Variants in SUMF1 observed in about 807,000 individuals in gnomAD.
SUMF1 encodes sulfatase modifying factor 1.
Under a neutral mutation model 47.6 loss-of-function variants are expected in SUMF1, and 48 were observed. The observed-to-expected ratio is 1.01, with a 90% confidence interval of 0.80 to 1.28. The LOEUF (loss-of-function observed/expected upper bound fraction) is 1.28. SUMF1 is among the 50% of genes most tolerant of loss of function. SUMF1 has a pLI of 0.00. For missense variants in SUMF1, 571 were observed against 485.4 expected (o/e 1.18, Z -1.66); for synonymous variants, 230 against 192.1 (o/e 1.20, Z -1.63).
At chr3:4,342,709 T>C (rs1699296211) in intron 8 of SUMF1, among the ~76,000 whole-genome samples, 1 of 152,122 alleles carries the variant, frequency 6.6e-6, no homozygotes, top group African/African-American at 2.4e-5. Context: ...CAAGGGAGCA[T>C]TTTTTCAGTC....
At chr3:4,436,354 T>A (rs937607411) in intron 3 of SUMF1, among the ~76,000 whole-genome samples, 1 of 152,128 alleles carries the variant, frequency 6.6e-6, no homozygotes, top group African/African-American at 2.4e-5. Context: ...TCCTTAGAGC[T>A]ACCACTAAAA....
At chr3:4,173,644 G>A (rs779417256) in intron 8 of SUMF1, among the ~76,000 whole-genome samples, 3 of 152,132 alleles carry the variant, frequency 2.0e-5, no homozygotes, top group Non-Finnish European at 2.9e-5. Flanking sequence ...GCCCATCAAT[G>A]ATAGACTGGA....
At chr3:4,293,993 G>C (rs1286908048) in intron 8 of SUMF1, among the ~76,000 whole-genome samples, 1 of 152,160 alleles carries the variant, frequency 6.6e-6, no homozygotes, top group Non-Finnish European at 1.5e-5. Flanking sequence ...CAGAGTTTCA[G>C]ACCTAGGCCC....
At chr3:4,398,213 T>G (rs933876953) in intron 7 of SUMF1, among the ~76,000 whole-genome samples, 3 of 152,176 alleles carry the variant, frequency 2.0e-5, no homozygotes, top group African/African-American at 7.2e-5. Flanking sequence ...CTTGCTCTTT[T>G]AACATCTGCA....
intron 8 of SUMF1, among the ~76,000 whole-genome samples, chr3:4,348,098 G>A (rs138853834): frequency 1.3e-5 from 2 of 152,144 alleles, no homozygotes; most frequent in Admixed American, 6.5e-5. Flanking sequence ...AATGGCCATA[G>A]TGCCCAAAGT....
rs1575034267 is a variant in SUMF1 at position 4,264,746 on chromosome 3, AGGCTATAAAAGTGACAT to A, written c.1014+111567_1014+111583del. On this transcript the variant is annotated intron_variant and NMD_transcript_variant, in intron 8 of 12. Transcript: ENST00000448413. ...AGGGGAGGATAGCCTGGACTCTCTC[AGGCTATAAAAGTGACAT>A]TTAACTACCTAATATCAGACATTGT... Among the ~76,000 whole-genome samples, 5 of 152,298 alleles carry A rather than the reference AGGCTATAAAAGTGACAT, an allele frequency of 3.3e-5. No individual in the cohort carries two copies. The East Asian group carries it at 7.7e-4, about 24-fold the overall frequency.
At chr3:4,080,724 G>T (rs1013227632) in intron 8 of SUMF1, among the ~76,000 whole-genome samples, 2 of 152,016 alleles carry the variant, frequency 1.3e-5, no homozygotes, top group African/African-American at 4.8e-5. Context: ...ACACATATTT[G>T]TACTAGATAA....
At chr3:4,279,361 G>A (rs1053892683) in intron 8 of SUMF1, among the ~76,000 whole-genome samples, 3 of 152,076 alleles carry the variant, frequency 2.0e-5, no homozygotes, top group Non-Finnish European at 1.5e-5. Flanking sequence ...TCATATATGG[G>A]TTTTTACTAG....
intron 1 of SUMF1, among the ~76,000 whole-genome samples, chr3:4,457,152 G>C (rs2079683441): frequency 6.7e-6 from 1 of 150,268 alleles, no homozygotes; most frequent in South Asian, 2.1e-4. Flanking sequence ...ATGTTAGCCA[G>C]GATGGTCTCA....
intron 8 of SUMF1, among the ~76,000 whole-genome samples, chr3:4,295,784 A>G (rs1403031330): frequency 6.6e-6 from 1 of 152,244 alleles, no homozygotes; most frequent in Non-Finnish European, 1.5e-5. Context: ...GAGACAGTCT[A>G]CAATCATCAA....
chr3:4,458,770 G>C (rs898089245), intron 1 of SUMF1, among the ~76,000 whole-genome samples: 1 of 152,068 alleles, frequency 6.6e-6, no homozygotes. Context: ...GCAGGAGAAT[G>C]GCGTGAACCT....
At chr3:4,213,615 G>A (rs1024028954) in intron 8 of SUMF1, among the ~76,000 whole-genome samples, 1 of 152,150 alleles carries the variant, frequency 6.6e-6, no homozygotes, top group African/African-American at 2.4e-5. Flanking sequence ...GGCACAGACT[G>A]GCAAATTGGA....
At chr3:4,447,937 C>G (rs571398470) in intron 3 of SUMF1, among the ~76,000 whole-genome samples, 2 of 152,162 alleles carry the variant, frequency 1.3e-5, no homozygotes, top group African/African-American at 4.8e-5. Flanking sequence ...CAAAAATAAG[C>G]GCAAACGCCC....
At chr3:4,204,420 AC>A (rs1334825610) in intron 8 of SUMF1, among the ~76,000 whole-genome samples, 1 of 151,746 alleles carries the variant, frequency 6.6e-6, no homozygotes, top group Non-Finnish European at 1.5e-5. Flanking sequence ...TTTATTCTTA[AC>A]CTTTGGGAGT....
intron 8 of SUMF1, among the ~76,000 whole-genome samples, chr3:4,344,448 C>T (rs1329516591): frequency 4.6e-5 from 7 of 152,120 alleles, no homozygotes; most frequent in Admixed American, 3.9e-4. Flanking sequence ...GAAGAGGGAC[C>T]TGACTTTTGA....
intron 8 of SUMF1, among the ~76,000 whole-genome samples, chr3:4,304,327 A>G (rs1698092940): frequency 6.6e-6 from 1 of 152,160 alleles, no homozygotes; most frequent in Non-Finnish European, 1.5e-5. Context: ...TTTTTAGTAG[A>G]GACAGGGTTT....
rs1029898234 is a variant in SUMF1, at chr3:4,275,733, A to G, written c.1014+100597T>C. Among the ~76,000 whole-genome samples, 45 of 152,328 alleles carry G rather than the reference A, an allele frequency of 3.0e-4. 1 individual carries two copies. In the Middle Eastern group the frequency reaches 0.02, roughly 69 times the overall value. Reference sequence around the variant, plus strand: ...ATCAGAATTCTCTCGGGAAGAAGACAAAAGCAAAAAGTTAGTTGAGTAGGT... The same window carrying G: ...ATCAGAATTCTCTCGGGAAGAAGACGAAAGCAAAAAGTTAGTTGAGTAGGT... On this transcript the variant is annotated intron_variant and NMD_transcript_variant, in intron 8 of 12. Transcript: ENST00000448413.
At chr3:4,457,019 CAT>C (rs1286285124) in intron 1 of SUMF1, among the ~76,000 whole-genome samples, 27 of 65,044 alleles carry the variant, frequency 4.2e-4, no homozygotes, top group South Asian at 1.5e-3. Flanking sequence ...CGTGTGTGTA[CAT>C]ATATATACGT....
At chr3:4,121,357 C>G (rs994912778) in intron 8 of SUMF1, among the ~76,000 whole-genome samples, 3 of 152,152 alleles carry the variant, frequency 2.0e-5, no homozygotes, top group African/African-American at 7.2e-5. Flanking sequence ...TTACTATGTA[C>G]TAGGTTCCAC....
Sources: allele counts gnomAD v4.1 joint callset (sites outside exome capture counted in the v4.1 genomes callset), GRCh38; gene constraint gnomAD v4.1.1; transcripts MANE v1.5; gene names NCBI Gene and HGNC (gene_info 2026-07-23, HGNC 2026-07-21).